BCAS3: variants seen among roughly 807,000 people sequenced by gnomAD.
The protein encoded by BCAS3 is BCAS4/BCAS3 fusion.
A neutral mutation model predicts 116.1 loss-of-function variants in BCAS3; 53 were observed. The observed-to-expected ratio is 0.46, with a 90% CI of 0.37 to 0.57. The LOEUF is 0.57. BCAS3 is among the 20% of genes least tolerant of loss of function. The probability of loss-of-function intolerance (pLI) is 0.00; values close to 1 mark genes in which losing one functional copy is unlikely to be tolerated. For missense variants in BCAS3, 917 were observed against 1,165.4 expected (o/e 0.79, Z 3.10); for synonymous variants, 391 against 408.2 (o/e 0.96, Z 0.51).
chr17:61,041,393 C>T lies in BCAS3; in HGVS notation c.2029+501C>T, dbSNP rs1173585079. 2.0e-5 allele frequency among the ~76,000 whole-genome samples: 3 copies of T among 152,216 alleles called. No individual in the cohort carries two copies. The highest frequency in any genetic ancestry group is 4.4e-5 in the Non-Finnish European group (3 of 67,996). ...TTGTTTGTTTACTTATATGTTTAAG[C>T]GTGAGCATTTGTAGAGACTGAACCA... On this transcript the variant is annotated intron_variant, in intron 19 of 23. Coordinates refer to ENST00000407086, the MANE Select transcript of BCAS3 (RefSeq NM_017679.5). The surrounding 1 kb of genome is among the most constrained non-coding windows in gnomAD (Gnocchi z 4.7).
chr17:61,006,298 A>G (rs1186659590), intron 15 of BCAS3, among the ~76,000 whole-genome samples: 1 of 152,118 alleles, frequency 6.6e-6, no homozygotes, highest in Non-Finnish European at 1.5e-5. Context: ...GTAAAATTAA[A>G]TAGTTTTGAG....
chr17:60,769,685 G>A (rs944737119), intron 6 of BCAS3, among the ~76,000 whole-genome samples: 12 of 152,198 alleles, frequency 7.9e-5, no homozygotes, highest in South Asian at 2.1e-4. Context: ...TGTCCTTGGC[G>A]TGTGTGAAGG....
At chr17:60,763,077 A>C (rs1462903125) in intron 6 of BCAS3, among the ~76,000 whole-genome samples, 1 of 152,200 alleles carries the variant, frequency 6.6e-6, no homozygotes, top group Non-Finnish European at 1.5e-5. Flanking sequence ...GTTGCTTATC[A>C]GCTTAAGGAG....
intron 22 of BCAS3, among the ~76,000 whole-genome samples, chr17:61,218,009 G>A (rs1393896885): frequency 6.6e-6 from 1 of 152,122 alleles, no homozygotes. Flanking sequence ...CCTTCTCCAA[G>A]TAGCTCTCCA....
intron 22 of BCAS3, among the ~76,000 whole-genome samples, chr17:61,268,587 T>TG (rs1374896570): frequency 1.3e-5 from 2 of 152,002 alleles, no homozygotes; most frequent in African/African-American, 4.8e-5. Context: ...TTTTTTTTGT[T>TG]TTTTTTGTTT....
At position 61,223,374 on chromosome 17, in the gene BCAS3, G is replaced by A. The variant is rs529439495; in HGVS notation, c.2425+138810G>A. Among the ~76,000 whole-genome samples the A allele has an allele frequency of 5.3e-5, 8 of 152,180 alleles. No individual in the cohort carries two copies. In the South Asian group the frequency reaches 1.7e-3, roughly 32 times the overall value. ...GGGTTTCACCATGTTGGTCAGGCTG[G>A]TCTCAAACTCCTGACCTCAGGTGAT... On this transcript the variant is annotated intron_variant, in intron 22 of 23. Transcript: ENST00000407086.
In BCAS3 at chr17:61,200,416, G is replaced by A. The variant is rs934569662; in HGVS notation, c.2425+115852G>A. ...CATTATTTATTATTTTATAGCCATAGCAACTTGGTAAAGGAGAGATTATTA... is the reference window on the plus strand; with the variant it reads ...CATTATTTATTATTTTATAGCCATAACAACTTGGTAAAGGAGAGATTATTA... On this transcript the variant is annotated intron_variant, in intron 22 of 23. Coordinates refer to ENST00000407086, the MANE Select transcript of BCAS3 (RefSeq NM_017679.5). This position sits in a 1 kb window ranked among gnomAD's most constrained non-coding sequence, Gnocchi z 5.1. 6.6e-5 allele frequency among the ~76,000 whole-genome samples: 10 copies of A among 152,194 alleles called. No homozygotes were observed. The highest frequency in any genetic ancestry group is 1.3e-4 in the Non-Finnish European group (9 of 68,038).
At chr17:61,158,163 T>C (rs573057369) in intron 22 of BCAS3, among the ~76,000 whole-genome samples, 19 of 152,352 alleles carry the variant, frequency 1.2e-4, no homozygotes, top group African/African-American at 4.1e-4. Flanking sequence ...ATATTTTGTT[T>C]ATACTCCGAC....
chr17:61,034,206 T>G lies in BCAS3; in HGVS notation c.1638-460T>G, dbSNP rs1273686770. On this transcript the variant is annotated intron_variant, in intron 16 of 23. Transcript: ENST00000407086. The surrounding 1 kb of genome is among the most constrained non-coding windows in gnomAD (Gnocchi z 5.0). ...TTTTCATCCATGCTGTCTAAATTCA[T>G]TTATACTGTTAATCCCACATCTTAT... 1.3e-5 allele frequency among the ~76,000 whole-genome samples: 2 copies of G among 152,236 alleles called. No homozygotes were observed. The highest frequency in any genetic ancestry group is 3.8e-4 in the East Asian group (2 of 5,204).
chr17:60,975,034 G>A (rs1755314916), intron 14 of BCAS3, among the ~76,000 whole-genome samples: 1 of 143,866 alleles, frequency 7.0e-6, no homozygotes, highest in Non-Finnish European at 1.5e-5. Context: ...TCGCTCTGTC[G>A]CCCAGGCCGG....
chr17:60,913,773 C>T (rs1452962849), intron 12 of BCAS3, among the ~76,000 whole-genome samples: 1 of 152,076 alleles, frequency 6.6e-6, no homozygotes, highest in East Asian at 1.9e-4. Flanking sequence ...CACCATCCTT[C>T]TGATGCCATA....
At chr17:61,373,486 G>A (rs572844337) in intron 23 of BCAS3, among the ~76,000 whole-genome samples, 1 of 151,166 alleles carries the variant, frequency 6.6e-6, no homozygotes, top group Non-Finnish European at 1.5e-5. Flanking sequence ...CTGGAGTGCT[G>A]TGGCACGATC....
In BCAS3 at chr17:61,041,699, C is replaced by T. The variant is rs961648916; in HGVS notation, c.2029+807C>T. 2.6e-5 allele frequency among the ~76,000 whole-genome samples: 4 copies of T among 151,818 alleles called. No individual in the cohort carries two copies. The highest frequency in any genetic ancestry group is 6.6e-5 in the Admixed American group (1 of 15,226). On this transcript the variant is annotated intron_variant, in intron 19 of 23. Coordinates refer to ENST00000407086, the MANE Select transcript of BCAS3 (RefSeq NM_017679.5). The surrounding 1 kb of genome is among the most constrained non-coding windows in gnomAD (Gnocchi z 4.7). ...AGAAAGCATGAATTAAAATAGTTGT[C>T]GAATGATTTTATTTTATCTTTATAA...
intron 6 of BCAS3, among the ~76,000 whole-genome samples, chr17:60,760,570 G>T (rs998690768): frequency 6.6e-6 from 1 of 151,524 alleles, no homozygotes; most frequent in African/African-American, 2.4e-5. Flanking sequence ...TTTCTGCTGA[G>T]AAATCCGCTG....
At chr17:61,351,438 T>A (rs2143339207) in intron 22 of BCAS3, among the ~76,000 whole-genome samples, 1 of 152,348 alleles carries the variant, frequency 6.6e-6, no homozygotes, top group South Asian at 2.1e-4. Context: ...GACATTCAGA[T>A]TCCACGTTCG....
At chr17:61,047,309 C>G (rs941654048) in intron 19 of BCAS3, among the ~76,000 whole-genome samples, 4 of 151,946 alleles carry the variant, frequency 2.6e-5, no homozygotes, top group Non-Finnish European at 5.9e-5. Flanking sequence ...GCACAGATGA[C>G]TTCTCTGTTA....
intron 22 of BCAS3, among the ~76,000 whole-genome samples, chr17:61,121,264 A>C (rs1279351912): frequency 6.6e-6 from 1 of 152,194 alleles, no homozygotes. Flanking sequence ...ATGGAGTTAA[A>C]AATCATGAAG....
chr17:61,207,308 T>C (rs377264793), intron 22 of BCAS3, among the ~76,000 whole-genome samples: 1 of 152,234 alleles, frequency 6.6e-6, no homozygotes, highest in African/African-American at 2.4e-5. Flanking sequence ...TTGTTCTTCT[T>C]ACTGTCTGTG....
At chr17:61,237,903 T>C (rs1185593692) in intron 22 of BCAS3, among the ~76,000 whole-genome samples, 2 of 152,194 alleles carry the variant, frequency 1.3e-5, no homozygotes, top group African/African-American at 4.8e-5. Flanking sequence ...TTGACTCTAA[T>C]GGATCACCCA....
Sources: allele counts gnomAD v4.1 joint callset (sites outside exome capture counted in the v4.1 genomes callset), GRCh38; gene constraint gnomAD v4.1.1; non-coding constraint Gnocchi (gnomAD v3.1); transcripts MANE v1.5; gene names NCBI Gene and HGNC (gene_info 2026-07-23, HGNC 2026-07-21).